NBAS: variants seen among roughly 807,000 people sequenced by gnomAD.
NBAS encodes the protein NAG/BC035112 fusion.
Under a neutral mutation model 302.5 loss-of-function variants are expected in NBAS, and 219 were observed. That is an observed-to-expected ratio of 0.72 (90% CI 0.65 to 0.81). NBAS has a LOEUF of 0.81. NBAS is among the 30% of genes least tolerant of loss of function. NBAS has a pLI of 0.00. For synonymous variants in NBAS, 1,118 were observed against 1,021.6 expected (o/e 1.09, Z -1.80); for missense variants, 2,932 against 2,841.6 (o/e 1.03, Z -0.72).
chr2:15,073,490 A>T, the NBAS span, among the ~76,000 whole-genome samples: 3 of 144,652 alleles, frequency 2.1e-5, no homozygotes, highest in Non-Finnish European at 4.5e-5. Context: ...AAAAAAAAAA[A>T]ATAAAAAATA....
the NBAS span, among the ~76,000 whole-genome samples, chr2:15,006,192 GA>G: frequency 1.3e-5 from 2 of 151,800 alleles, no homozygotes; most frequent in African/African-American, 2.4e-5. Context: ...TATTATAATA[GA>G]AAAAAAATCA....
intron 47 of NBAS, among the ~76,000 whole-genome samples, chr2:15,228,650 CA>C (rs1476761471): frequency 6.6e-6 from 1 of 152,160 alleles, no homozygotes; most frequent in East Asian, 1.9e-4. Flanking sequence ...CATTCAGCCA[CA>C]AAACAGTGAA....
At chr2:15,294,799 C>T (rs766257770) in intron 40 of NBAS, among the ~76,000 whole-genome samples, 4 of 152,122 alleles carry the variant, frequency 2.6e-5, no homozygotes, top group Non-Finnish European at 4.4e-5. Flanking sequence ...TTCCTAGTGC[C>T]CCAGATTTAC....
chr2:15,208,613 A>G (rs540697696), intron 48 of NBAS, among the ~76,000 whole-genome samples: 16 of 152,294 alleles, frequency 1.1e-4, no homozygotes, highest in Non-Finnish European at 2.2e-4. Context: ...TCTTTTCCTC[A>G]GCACATGGAT....
chr2:14,783,566 C>T, the NBAS span, among the ~76,000 whole-genome samples: 110 of 146,728 alleles, frequency 7.5e-4, no homozygotes, highest in East Asian at 6.2e-3. Flanking sequence ...TGAGAACATG[C>T]GGTGTTTGGT....
chr2:15,184,735 G>A (rs1223878751), intron 50 of NBAS, among the ~76,000 whole-genome samples: 1 of 152,164 alleles, frequency 6.6e-6, no homozygotes, highest in Non-Finnish European at 1.5e-5. Flanking sequence ...TGGGGTTTGG[G>A]GAAGCCTGAT....
At chr2:15,401,409 G>C (rs1228645974) in intron 26 of NBAS, among the ~76,000 whole-genome samples, 1 of 152,104 alleles carries the variant, frequency 6.6e-6, no homozygotes, top group Non-Finnish European at 1.5e-5. Context: ...GATAAAAAGA[G>C]AGCAAAGAGA....
At chr2:15,424,586 G>T in intron 22 of NBAS, 118 bp from the exon 23 acceptor site, 2 of 1,188,616 alleles carry the variant, frequency 1.7e-6, no homozygotes, top group Non-Finnish European at 2.5e-6. Flanking sequence ...GAGCATACAT[G>T]TATGTGGTTT....
At chr2:14,934,893 A>G in the NBAS span, among the ~76,000 whole-genome samples, 1 of 152,216 alleles carries the variant, frequency 6.6e-6, no homozygotes, top group Non-Finnish European at 1.5e-5. Context: ...TGACAGAAAC[A>G]ATCTATATGA....
the NBAS span, among the ~76,000 whole-genome samples, chr2:14,848,086 G>A: frequency 1.2e-4 from 18 of 152,020 alleles, no homozygotes; most frequent in South Asian, 2.1e-4. Context: ...CAAGATGGCC[G>A]AATAGGAACA....
chr2:15,353,259 A>G (rs1177235458), intron 34 of NBAS, among the ~76,000 whole-genome samples: 2 of 152,180 alleles, frequency 1.3e-5, no homozygotes, highest in East Asian at 3.9e-4. Flanking sequence ...CATTTAGCAT[A>G]TGTTTAATTC....
the NBAS span, among the ~76,000 whole-genome samples, chr2:14,844,267 G>A: frequency 6.6e-6 from 1 of 152,142 alleles, no homozygotes; most frequent in Non-Finnish European, 1.5e-5. Context: ...GTTCCAGGCC[G>A]TAGCTCCCAG....
At chr2:15,205,823 T>C (rs1317596920) in intron 48 of NBAS, among the ~76,000 whole-genome samples, 1 of 152,174 alleles carries the variant, frequency 6.6e-6, no homozygotes, top group Non-Finnish European at 1.5e-5. Context: ...TTGCTTCTCC[T>C]TTACCTTCTG....
At chr2:14,780,208 A>G in the NBAS span, among the ~76,000 whole-genome samples, 1 of 152,222 alleles carries the variant, frequency 6.6e-6, no homozygotes, top group Non-Finnish European at 1.5e-5. Flanking sequence ...AAAATTGATT[A>G]GAGTTCATGG....
chr2:15,488,105 C>T (rs1572919284), intron 12 of NBAS, among the ~76,000 whole-genome samples: 1 of 152,098 alleles, frequency 6.6e-6, no homozygotes, highest in Non-Finnish European at 1.5e-5. Flanking sequence ...GAAATAGGCT[C>T]TAATATGAAA....
At chr2:15,275,033 T>G (rs1313152425) in intron 44 of NBAS, among the ~76,000 whole-genome samples, 1 of 152,034 alleles carries the variant, frequency 6.6e-6, no homozygotes, top group African/African-American at 2.4e-5. Flanking sequence ...TCTGCCTGCC[T>G]TGGCCTCCCA....
In NBAS at chr2:15,327,768, C is replaced by T. The variant is rs1462187404; in HGVS notation, c.4564G>A (p.Val1522Ile). 6 of 1,613,652 alleles carry T rather than the reference C, an allele frequency of 3.7e-6. No homozygotes were observed. In the South Asian group the frequency reaches 6.6e-5, roughly 18 times the overall value. ...CTCTTACCTTCAGTTGTTGGAAATA[C>T]TTCTCCTTTATTTTTAGCCTCTGCC... The part of the protein sequence containing the change: ...KLAEAKNKGE[V>I]FPTTEVLLQL... Residue 1522 changes from valine to isoleucine, a missense_variant, in exon 38 of 52, where the codon GTA becomes ATA. Coordinates refer to ENST00000281513, the MANE Select transcript of NBAS (RefSeq NM_015909.4).
chr2:14,911,922 A>T, the NBAS span, among the ~76,000 whole-genome samples: 2 of 152,244 alleles, frequency 1.3e-5, no homozygotes, highest in Admixed American at 6.5e-5. Context: ...GTGTCACTTA[A>T]CAACAGGGAT....
chr2:15,275,389 C>T, intron 44 of NBAS, 95 bp downstream of exon 44: 2 of 1,350,448 alleles, frequency 1.5e-6, no homozygotes, highest in Non-Finnish European at 2.0e-6. Context: ...TAATTATTTT[C>T]AAGAAAGGAA....
Sources: allele counts gnomAD v4.1 joint callset (sites outside exome capture counted in the v4.1 genomes callset), GRCh38; gene constraint gnomAD v4.1.1; transcripts MANE v1.5; gene names NCBI Gene and HGNC (gene_info 2026-07-23, HGNC 2026-07-21).